Variants in CRB1 observed in about 807,000 individuals in gnomAD.
The protein encoded by CRB1 is crumbs cell polarity complex component 1.
A neutral mutation model predicts 120.0 loss-of-function variants in CRB1; 83 were observed. The ratio of observed to expected loss-of-function variants is 0.69; its 90% confidence interval spans 0.58 to 0.83. The LOEUF (loss-of-function observed/expected upper bound fraction) is 0.83, where lower values mean the gene tolerates loss of function less well. Among genes scored for constraint, CRB1 ranks in the 40% least tolerant of loss-of-function variants. The probability of loss-of-function intolerance (pLI) is 0.00; values close to 1 mark genes in which losing one functional copy is unlikely to be tolerated. For synonymous variants in CRB1, 625 were observed against 612.5 expected (o/e 1.02, Z -0.30); for missense variants, 1,699 against 1,687.6 (o/e 1.01, Z -0.12).
At chr1:197,404,441 C>CAAAAAAAAAAA (rs558125777) in intron 5 of CRB1, among the ~76,000 whole-genome samples, 2 of 58,718 alleles carry the variant, frequency 3.4e-5, no homozygotes, top group African/African-American at 1.2e-4. Flanking sequence ...GACTCCGTCT[C>CAAAAAAAAAAA]AAAAAAAAAA....
At chr1:197,313,757 T>C (rs2125277156) in intron 1 of CRB1, among the ~76,000 whole-genome samples, 1 of 152,320 alleles carries the variant, frequency 6.6e-6, no homozygotes, top group East Asian at 1.9e-4. Context: ...GTTCCATTCA[T>C]GTTGCCGCAA....
intron 4 of CRB1, among the ~76,000 whole-genome samples, chr1:197,354,121 G>A (rs1057050104): frequency 1.3e-5 from 2 of 151,962 alleles, no homozygotes; most frequent in Admixed American, 6.6e-5. Flanking sequence ...CCAACCAGCT[G>A]GTAAAATTTA....
intron 5 of CRB1, among the ~76,000 whole-genome samples, chr1:197,377,317 C>T (rs1400124488): frequency 6.6e-6 from 1 of 152,132 alleles, no homozygotes; most frequent in Non-Finnish European, 1.5e-5. Flanking sequence ...CAGGACCTAG[C>T]ACAGTGCCTA....
intron 2 of CRB1, among the ~76,000 whole-genome samples, chr1:197,329,696 T>C (rs1471656203): frequency 5.3e-5 from 8 of 152,238 alleles, no homozygotes; most frequent in Non-Finnish European, 1.0e-4. Flanking sequence ...TCACTGTTAC[T>C]GTTTTAGGTC....
Position 197,477,659 on chromosome 1 carries a change from T to C in CRB1, c.4006-5T>C, listed in dbSNP as rs754365959. 6.2e-7 allele frequency: 1 copy of C among 1,613,312 alleles called. No homozygotes were observed. Among genetic ancestry groups the C allele is most frequent in the Non-Finnish European group, 8.5e-7 (1 of 1,179,326 alleles). On this transcript the variant is annotated splice_polypyrimidine_tract_variant and splice_region_variant and intron_variant, in intron 11 of 11. Coordinates refer to ENST00000367400, the MANE Select transcript of CRB1 (RefSeq NM_201253.3). ...TTCGCATCCCAATGATTTCAATCTT[T>C]CCAGTTGGCAGATGACTTGATCTCC...
intron 5 of CRB1, among the ~76,000 whole-genome samples, chr1:197,367,055 C>T (rs2125374818): frequency 6.6e-6 from 1 of 152,262 alleles, no homozygotes; most frequent in Non-Finnish European, 1.5e-5. Context: ...CCTGCACATC[C>T]ACATAATTTT....
chr1:197,282,769 C>T (rs1214236214), intron 1 of CRB1, among the ~76,000 whole-genome samples: 1 of 151,782 alleles, frequency 6.6e-6, no homozygotes, highest in Non-Finnish European at 1.5e-5. Flanking sequence ...TTGTTATGTT[C>T]TCAATGTCTC....
the CRB1 span, chr1:197,222,119 T>C: frequency 6.8e-6 from 2 of 295,388 alleles, no homozygotes; most frequent in Middle Eastern, 1.1e-3. Context: ...GCCCCAGGAG[T>C]CAGGATGAGT....
chr1:197,440,770 T>C (rs1665395751), intron 10 of CRB1: 1 of 152,184 alleles, frequency 6.6e-6, no homozygotes, highest in Non-Finnish European at 1.5e-5. Context: ...TCTCCTGCCT[T>C]GGTTAAACCT....
At chr1:197,476,410 C>G (rs1171091535) in intron 11 of CRB1, among the ~76,000 whole-genome samples, 2 of 151,224 alleles carry the variant, frequency 1.3e-5, no homozygotes, top group Admixed American at 6.6e-5. Context: ...GCGTCTTCCT[C>G]TTCTCCTATC....
intron 11 of CRB1, chr1:197,444,926 C>CACAG: frequency 1.3e-5 from 2 of 151,872 alleles, no homozygotes; most frequent in Middle Eastern, 6.8e-3. Flanking sequence ...CACACACACA[C>CACAG]ACACACACCA....
chr1:197,422,065 C>A (rs760329084), intron 6 of CRB1, 109 bp downstream of exon 6: 32 of 999,262 alleles, frequency 3.2e-5, no homozygotes, highest in Non-Finnish European at 4.2e-5. Context: ...AATGACCCCA[C>A]AAGACTTCTG....
chr1:197,251,172 G>A, the CRB1 span, among the ~76,000 whole-genome samples: 1 of 151,998 alleles, frequency 6.6e-6, no homozygotes, highest in East Asian at 1.9e-4. Context: ...CACAAGCTGT[G>A]AAAATTGTTC....
At chr1:197,232,108 A>G in the CRB1 span, among the ~76,000 whole-genome samples, 38 of 152,330 alleles carry the variant, frequency 2.5e-4, no homozygotes. Flanking sequence ...GGTTGGAATG[A>G]TGCAGCAATG....
Position 197,442,304 on chromosome 1 carries a change from C to G in CRB1, c.4005+12C>G. 6.2e-7 allele frequency: 1 copy of G among 1,614,180 alleles called. No homozygotes were observed. Among genetic ancestry groups the G allele is most frequent in the Non-Finnish European group, 8.5e-7 (1 of 1,180,028 alleles). On this transcript the variant is annotated intron_variant, in intron 11 of 11. Transcript: ENST00000367400. ...GCTGCGAGGTGGACGTAAGCAGCCT[C>G]TCCTTTTATGTCTCTCTCTTATTCT...
At chr1:197,431,473 A>G (rs1480267240) in intron 8 of CRB1, among the ~76,000 whole-genome samples, 4 of 152,178 alleles carry the variant, frequency 2.6e-5, no homozygotes, top group Non-Finnish European at 5.9e-5. Context: ...TAATTTCTTA[A>G]TTATTAATTT....
chr1:197,278,542 C>A (rs1485768381), intron 1 of CRB1, among the ~76,000 whole-genome samples: 2 of 151,896 alleles, frequency 1.3e-5, no homozygotes, highest in Non-Finnish European at 2.9e-5. Flanking sequence ...ATGGAGGAAG[C>A]ATACAATAGC....
At chr1:197,291,701 T>G (rs1326696686) in intron 1 of CRB1, among the ~76,000 whole-genome samples, 1 of 151,854 alleles carries the variant, frequency 6.6e-6, no homozygotes. Flanking sequence ...ATAGAGCACA[T>G]TCCTGGACAG....
intron 2 of CRB1, among the ~76,000 whole-genome samples, chr1:197,341,813 C>CTT (rs1188143849): frequency 2.0e-5 from 3 of 152,188 alleles, no homozygotes; most frequent in Non-Finnish European, 4.4e-5. Context: ...GTCCTTATCT[C>CTT]CATGATTCAT....
Sources: gnomAD v4.1 joint callset for allele counts (sites outside exome capture counted in the v4.1 genomes callset) on GRCh38, gnomAD v4.1.1 for gene constraint, MANE v1.5 for transcripts, NCBI Gene and HGNC (gene_info 2026-07-23, HGNC 2026-07-21) for gene names.